Variants in ITGB7 observed in about 807,000 individuals in gnomAD.
ITGB7 encodes integrin beta-7.
ITGB7 carries 55 observed loss-of-function variants against 83.4 expected under a neutral mutation model. That is an observed-to-expected ratio of 0.66 (90% CI 0.53 to 0.83). The LOEUF is 0.83. ITGB7 is among the 40% of genes least tolerant of loss of function. The pLI is 0.00. For missense variants in ITGB7, 921 were observed against 1,046.7 expected, an observed-to-expected ratio of 0.88 and a Z score of 1.66; for synonymous variants, 454 against 423.6, an observed-to-expected ratio of 1.07 and a Z score of -0.88.
In ITGB7 at chr12:53,197,512, G is replaced by T. The variant is rs764709856; in HGVS notation, c.555C>A (p.Val185=). The change falls in exon 5 of 16, where the codon GTC becomes GTA. Residue 185 remains valine, a synonymous_variant. Transcript: ENST00000267082. ...GCTCACCAATGCGCACAGAATGGGT[G>T]ACTTCCTGCAGCCGGACCAGCAGAG... is the stretch of plus-strand genomic sequence containing the variant. ...GHALLVRLQE[V]THSVRIGFGS... 9 of 1,614,056 alleles carry T rather than the reference G, an allele frequency of 5.6e-6. No individual in the cohort carries two copies. In the African/African-American group the frequency reaches 1.2e-4, roughly 22 times the overall value.
intron 7 of ITGB7, 114 bp downstream of exon 7, chr12:53,195,927 G>T: frequency 8.1e-7 from 1 of 1,235,986 alleles, no homozygotes; most frequent in Non-Finnish European, 1.2e-6. Flanking sequence ...GGAGAAGATG[G>T]CAGGGTGTCT....
chr12:53,197,938 G>C lies in ITGB7; in HGVS notation c.215C>G (p.Ser72Trp), dbSNP rs902076823. 1 of 1,541,144 alleles carries C rather than the reference G, an allele frequency of 6.5e-7. No individual in the cohort carries two copies. Among genetic ancestry groups the C allele is most frequent in the African/African-American group, 1.4e-5 (1 of 72,856 alleles). ...GCAGCGCCGCGCCTCCGCCTCTCCC[G>C]ACGCGGTGAAGTTCTGCTCAGCAAG... is the stretch of plus-strand genomic sequence containing the variant. ...AWCKQLNFTA[S>W]GEAEARRCAR... The change falls in exon 4 of 16, where the codon TCG (serine) becomes TGG (tryptophan). Residue 72 changes from serine to tryptophan, a missense_variant. Transcript: ENST00000267082.
At chr12:53,196,303 G>T in intron 6 of ITGB7, 104 bp from the exon 7 acceptor site, 2 of 1,375,646 alleles carry the variant, frequency 1.5e-6, no homozygotes, top group Non-Finnish European at 2.0e-6. Context: ...CTCTGAGTCA[G>T]CTTGTCCATC....
At position 53,191,693 on chromosome 12, in the gene ITGB7, C is replaced by A. The variant is rs554153976; in HGVS notation, c.2317-57G>T. The A allele has an allele frequency of 1.9e-4, 301 of 1,564,432 alleles. No homozygotes were observed. In the African/African-American group the frequency reaches 3.6e-3, roughly 19 times the overall value. ...AATCCCAGGATTCCTCGTCCCCTTT[C>A]TAGACCTAAGAGGCCAGCCTTGAGC... is the stretch of plus-strand genomic sequence containing the variant. On this transcript the variant is annotated intron_variant, in intron 15 of 15. Coordinates refer to ENST00000267082, the MANE Select transcript of ITGB7 (RefSeq NM_000889.3).
intron 14 of ITGB7, 51 bp downstream of exon 14, chr12:53,192,279 G>A (rs756989404): frequency 3.2e-6 from 5 of 1,566,230 alleles, no homozygotes; most frequent in Non-Finnish European, 4.4e-6. Context: ...CCCCAGAGTT[G>A]AGACCCTGCC....
chr12:53,191,771 G>GT, intron 15 of ITGB7, 88 bp downstream of exon 15: 1 of 1,577,608 alleles, frequency 6.3e-7, no homozygotes, highest in Non-Finnish European at 8.7e-7. Context: ...CATGTGCCAG[G>GT]GGCTGGGGGA....
At position 53,191,658 on chromosome 12, in the gene ITGB7, T is replaced by G. The variant is rs748971455; in HGVS notation, c.2317-22A>C. 15 of 1,604,946 alleles carry G rather than the reference T, an allele frequency of 9.3e-6. No individual in the cohort carries two copies. The East Asian group carries it at 3.1e-4, about 33-fold the overall frequency. On this transcript the variant is annotated intron_variant, in intron 15 of 15. Transcript: ENST00000267082. Reference sequence around the variant, plus strand: ...TGTCCTGGAGAAAGATGTTGCAGATTATAAGCAAAAATCCCAGGATTCCTC... The same window carrying G: ...TGTCCTGGAGAAAGATGTTGCAGATGATAAGCAAAAATCCCAGGATTCCTC...
rs1223541635 is a variant in ITGB7, at chr12:53,197,133, C to A, written c.575-313G>T. ...GGAAATTTGAATAGAGGAGAGTTGGCACAGAATGTGGAGCCAGGGACAGTG... is the reference window on the plus strand; with the variant it reads ...GGAAATTTGAATAGAGGAGAGTTGGAACAGAATGTGGAGCCAGGGACAGTG... On this transcript the variant is annotated intron_variant, in intron 5 of 15. Transcript: ENST00000267082. 5 of 545,436 alleles carry A rather than the reference C, an allele frequency of 9.2e-6. No individual in the cohort carries two copies. In the East Asian group the frequency reaches 1.3e-4, roughly 14 times the overall value. The allele number at this position is 545,436 out of a possible 1,614,324, so 33.8% of individuals were successfully genotyped here. A position where few individuals can be genotyped will look rare whatever the true frequency, so the allele number is the denominator to read the frequency against.
At chr12:53,195,834 G>A in intron 7 of ITGB7, 113 bp from the exon 8 acceptor site, 3 of 1,048,714 alleles carry the variant, frequency 2.9e-6, no homozygotes, top group South Asian at 1.4e-5. Context: ...GAGGAGCCCT[G>A]GAGGCTTGCT....
rs771752343 is a variant in ITGB7 at position 53,196,668 on chromosome 12, C to G, written c.727G>C (p.Glu243Gln). ...ACACTCTGGCGCCCCACCTCCCGCT[C>G]GAAGGCTTGTGCGTCCCCCGTCAGG... is the stretch of plus-strand genomic sequence containing the variant. The part of the protein sequence containing the change: ...LSLTGDAQAF[E>Q]REVGRQSVSG... The change falls in exon 6 of 16, where the codon GAG (glutamate) becomes CAG (glutamine). Residue 243 changes from glutamate to glutamine, a missense_variant. Transcript: ENST00000267082. The G allele has an allele frequency of 1.2e-6, 2 of 1,611,570 alleles. No homozygotes were observed. The highest frequency in any genetic ancestry group is 1.7e-6 in the Non-Finnish European group (2 of 1,178,738).
chr12:53,191,534 T>G lies in ITGB7; in HGVS notation c.*22A>C. On this transcript the variant is annotated 3_prime_UTR_variant, in exon 16 of 16. Transcript: ENST00000267082. ...CACTGTCCTCCAAGGAGAAGAGCCT[T>G]GGGTAAGTGTCCCTCCCTCCTTCAG... is the stretch of plus-strand genomic sequence containing the variant. 6 of 1,570,628 alleles carry G rather than the reference T, an allele frequency of 3.8e-6. No individual in the cohort carries two copies. Among genetic ancestry groups the G allele is most frequent in the Non-Finnish European group, 4.4e-6 (5 of 1,140,452 alleles).
intron 12 of ITGB7, 40 bp downstream of exon 12, chr12:53,193,100 G>C (rs1471782687): frequency 1.9e-6 from 3 of 1,548,194 alleles, no homozygotes; most frequent in South Asian, 1.2e-5. Flanking sequence ...CCTTGGGAAG[G>C]CCTCTCAGAC....
Position 53,197,817 on chromosome 12 carries a change from G to A in ITGB7, c.336C>T (p.Ser112=). The change falls in exon 4 of 16, where the codon AGC becomes AGT. Residue 112 remains serine, a synonymous_variant. Coordinates refer to ENST00000267082, the MANE Select transcript of ITGB7 (RefSeq NM_000889.3). ...QQEVLQDQPL[S]QGARGEGATQ... Reference sequence around the variant, plus strand: ...TGGCACCCTCTCCGCGGGCGCCCTGGCTGAGCGGCTGGTCCTGCAGCACCT... The same window carrying A: ...TGGCACCCTCTCCGCGGGCGCCCTGACTGAGCGGCTGGTCCTGCAGCACCT... 2.0e-6 allele frequency: 3 copies of A among 1,536,436 alleles called. No homozygotes were observed. The highest frequency in any genetic ancestry group is 1.7e-6 in the Non-Finnish European group (2 of 1,146,534).
chr12:53,198,048 C>G, intron 3 of ITGB7, 97 bp from the exon 4 acceptor site: 3 of 902,986 alleles, frequency 3.3e-6, no homozygotes, highest in East Asian at 2.9e-5. Flanking sequence ...CTCTAATGCC[C>G]CCACCTCCAG....
rs1448634116 is a variant in ITGB7 at position 53,201,128 on chromosome 12, T to G, written c.-60A>C. 3 of 152,152 alleles carry G rather than the reference T, an allele frequency of 2.0e-5. No individual in the cohort carries two copies. Among genetic ancestry groups the G allele is most frequent in the African/African-American group, 7.2e-5 (3 of 41,422 alleles). The allele number at this position is 152,152 out of a possible 1,614,324, so 9.4% of individuals were successfully genotyped here. A position where few individuals can be genotyped will look rare whatever the true frequency, so the allele number is the denominator to read the frequency against. ...AAACAGGAAACAGACCAGATTCTGG[T>G]GCTGCTGCAGTCACTCACTGGCTGT... On this transcript the variant is annotated 5_prime_UTR_variant, in exon 2 of 16. Coordinates refer to ENST00000267082, the MANE Select transcript of ITGB7 (RefSeq NM_000889.3).
chr12:53,192,159 A>G, intron 14 of ITGB7, 140 bp from the exon 15 acceptor site: 1 of 1,226,154 alleles, frequency 8.2e-7, no homozygotes, highest in African/African-American at 1.5e-5. Context: ...GGTTATCCTC[A>G]CCGCCCAGGG....
chr12:53,198,953 G>A (rs1942255964), intron 3 of ITGB7, among the ~76,000 whole-genome samples: 1 of 152,204 alleles, frequency 6.6e-6, no homozygotes, highest in Non-Finnish European at 1.5e-5. Flanking sequence ...GCCAGACACA[G>A]ACCTGACCAT....
At position 53,196,661 on chromosome 12, in the gene ITGB7, T is replaced by G; in HGVS notation, c.734A>C (p.Glu245Ala). The G allele has an allele frequency of 6.2e-7, 1 of 1,611,294 alleles. No homozygotes were observed. Among genetic ancestry groups the G allele is most frequent in the Non-Finnish European group, 8.5e-7 (1 of 1,178,680 alleles). Reference sequence around the variant, plus strand: ...GCCGGACACACTCTGGCGCCCCACCTCCCGCTCGAAGGCTTGTGCGTCCCC... The same window carrying G: ...GCCGGACACACTCTGGCGCCCCACCGCCCGCTCGAAGGCTTGTGCGTCCCC... ...LTGDAQAFER[E>A]VGRQSVSGNL... is the part of the protein sequence containing the mutation. Residue 245 changes from glutamate to alanine, a missense_variant, in exon 6 of 16, where the codon GAG (glutamate) becomes GCG (alanine). Physicochemically the swap from Glu to Ala is moderately radical, Grantham distance 107. Transcript: ENST00000267082.
intron 9 of ITGB7, chr12:53,195,058 T>G: frequency 6.2e-6 from 2 of 321,378 alleles, no homozygotes; most frequent in South Asian, 4.7e-5. Context: ...AGCAAGGCTT[T>G]TGGCAGGGTT....
Sources: gnomAD v4.1 joint callset for allele counts (sites outside exome capture counted in the v4.1 genomes callset) on GRCh38, gnomAD v4.1.1 for gene constraint, MANE v1.5 for transcripts, NCBI Gene and HGNC (gene_info 2026-07-23, HGNC 2026-07-21) for gene names.